RAB31: variants seen among roughly 807,000 people sequenced by gnomAD.
RAB31 encodes RAB31, member RAS oncogene family, also known as ras-related protein Rab-31.
A neutral mutation model predicts 25.6 loss-of-function variants in RAB31; 21 were observed. The ratio of observed to expected loss-of-function variants is 0.82; its 90% CI spans 0.58 to 1.18. The LOEUF is 1.18. Among genes scored for constraint, RAB31 ranks in the 50% most tolerant of loss-of-function variants. The pLI, the probability that RAB31 is intolerant of heterozygous loss-of-function variation, is 0.00. For synonymous variants in RAB31, 87 were observed against 84.0 expected, an observed-to-expected ratio of 1.04 and a Z score of -0.20; for missense variants, 196 against 250.1, an observed-to-expected ratio of 0.78 and a Z score of 1.46.
rs191093199 is a variant in RAB31 at position 9,732,222 on chromosome 18, G to C, written c.39+23778G>C. ...GGTACCAGACCATCTTCGTCCAGGG[G>C]GACGTGGAGTCACACGCATGCAGGC... On this transcript the variant is annotated intron_variant, in intron 1 of 6. Transcript: ENST00000578921. Among the ~76,000 whole-genome samples, 159 of 152,278 alleles carry C rather than the reference G, an allele frequency of 1.0e-3. 1 individual carries two copies. The highest frequency in any genetic ancestry group is 3.8e-3 in the African/African-American group (156 of 41,548).
chr18:9,829,489 G>T (rs2068666694), intron 5 of RAB31, among the ~76,000 whole-genome samples: 1 of 152,198 alleles, frequency 6.6e-6, no homozygotes, highest in Non-Finnish European at 1.5e-5. Context: ...TTTCTGGCGT[G>T]GTGTTACTAT....
intron 1 of RAB31, among the ~76,000 whole-genome samples, chr18:9,739,544 T>TAA (rs35363534): frequency 6.7e-6 from 1 of 148,348 alleles, no homozygotes. Flanking sequence ...TGTAATGTGC[T>TAA]AAAAAAAAAA....
At chr18:9,792,270 C>G (rs770659910) in intron 3 of RAB31, 35 bp downstream of exon 3, 1 of 1,584,884 alleles carries the variant, frequency 6.3e-7, no homozygotes, top group Non-Finnish European at 8.6e-7. Context: ...AAAACAAGAT[C>G]CAGTGAAAAT....
chr18:9,830,006 A>ATATTAT lies in RAB31; in HGVS notation c.380+14801_380+14806dup, dbSNP rs201291302. 1.9e-3 allele frequency among the ~76,000 whole-genome samples: 283 copies of ATATTAT among 150,624 alleles called. 2 individuals are homozygous for ATATTAT. The highest frequency in any genetic ancestry group is 6.5e-3 in the African/African-American group (267 of 41,152). Reference sequence around the variant, plus strand: ...TTATGTTGTCTTTTGCTTTTAAAAAATATTATTATTATTATTATTATTTTA... The same window carrying ATATTAT: ...TTATGTTGTCTTTTGCTTTTAAAAAATATTATTATTATTATTATTATTATTATTTTA... On this transcript the variant is annotated intron_variant, in intron 5 of 6. Coordinates refer to ENST00000578921, the MANE Select transcript of RAB31 (RefSeq NM_006868.4).
intron 2 of RAB31, chr18:9,786,640 C>T (rs1381536134): frequency 6.6e-6 from 1 of 152,214 alleles, no homozygotes; most frequent in African/African-American, 2.4e-5. Context: ...GAGAACCCCC[C>T]ACAGATTTGG....
chr18:9,723,948 A>G (rs1375398631), intron 1 of RAB31, among the ~76,000 whole-genome samples: 1 of 152,212 alleles, frequency 6.6e-6, no homozygotes, highest in Non-Finnish European at 1.5e-5. Flanking sequence ...GGACAAACAG[A>G]CTACATCTAA....
intron 3 of RAB31, among the ~76,000 whole-genome samples, chr18:9,794,084 G>A (rs1175656757): frequency 1.3e-5 from 2 of 152,038 alleles, no homozygotes; most frequent in African/African-American, 2.4e-5. Flanking sequence ...TTGTAGAGAC[G>A]AGGTCTTGCT....
chr18:9,730,409 C>T (rs1262259139), intron 1 of RAB31, among the ~76,000 whole-genome samples: 1 of 151,988 alleles, frequency 6.6e-6, no homozygotes, highest in Non-Finnish European at 1.5e-5. Context: ...GTCTCAGCCT[C>T]CCAAATAGCT....
intron 1 of RAB31, among the ~76,000 whole-genome samples, chr18:9,741,376 C>CA (rs71169903): frequency 0.14 from 4,368 of 31,160 alleles, 777 homozygotes; most frequent in Non-Finnish European, 0.17. Flanking sequence ...AACTCCGTCT[C>CA]AAAAAAAAAA....
intron 5 of RAB31, among the ~76,000 whole-genome samples, chr18:9,819,940 A>G (rs933581674): frequency 6.6e-6 from 1 of 151,904 alleles, no homozygotes; most frequent in Non-Finnish European, 1.5e-5. Flanking sequence ...TCATTTATTA[A>G]TTTTAGTTGT....
intron 3 of RAB31, among the ~76,000 whole-genome samples, chr18:9,793,410 C>G (rs1017679294): frequency 2.6e-5 from 4 of 152,134 alleles, no homozygotes; most frequent in African/African-American, 9.7e-5. Flanking sequence ...CGCCTGTAAT[C>G]CCAACACTTT....
intron 1 of RAB31, among the ~76,000 whole-genome samples, chr18:9,744,545 C>A (rs903639828): frequency 6.6e-6 from 1 of 152,068 alleles, no homozygotes; most frequent in Non-Finnish European, 1.5e-5. Context: ...TTATTTTTAA[C>A]GTAATATTTT....
intron 1 of RAB31, among the ~76,000 whole-genome samples, chr18:9,729,318 G>C (rs943482702): frequency 9.2e-5 from 14 of 152,016 alleles, no homozygotes; most frequent in African/African-American, 3.4e-4. Flanking sequence ...ACGAGGGGAG[G>C]AGATCGAGAC....
chr18:9,811,990 A>G (rs535919641), intron 3 of RAB31, among the ~76,000 whole-genome samples: 20 of 152,364 alleles, frequency 1.3e-4, no homozygotes, highest in Non-Finnish European at 2.5e-4. Flanking sequence ...GGGAAGTCCA[A>G]GATCAAGGTG....
chr18:9,775,447 G>A (rs1288687456), intron 2 of RAB31, 90 bp downstream of exon 2: 57 of 1,567,602 alleles, frequency 3.6e-5, no homozygotes, highest in Admixed American at 1.1e-4. Context: ...TTCAGGCAGG[G>A]CCACAGTTTT....
intron 5 of RAB31, 54 bp from the exon 6 acceptor site, chr18:9,845,528 T>C: frequency 1.4e-6 from 2 of 1,442,164 alleles, no homozygotes; most frequent in Non-Finnish European, 1.8e-6. Context: ...TTTGGGTGAT[T>C]TGTATTTTAC....
intron 1 of RAB31, among the ~76,000 whole-genome samples, chr18:9,767,700 T>C (rs2068323249): frequency 6.6e-6 from 1 of 152,194 alleles, no homozygotes; most frequent in Non-Finnish European, 1.5e-5. Flanking sequence ...GGAGGTATCA[T>C]TCTTTTTTAA....
intron 2 of RAB31, among the ~76,000 whole-genome samples, chr18:9,783,918 G>A (rs1045567471): frequency 2.6e-5 from 4 of 152,200 alleles, no homozygotes; most frequent in Admixed American, 2.6e-4. Flanking sequence ...ATAATGGTGA[G>A]GAAAAGGCCA....
intron 5 of RAB31, among the ~76,000 whole-genome samples, chr18:9,819,620 T>G (rs778716074): frequency 3.3e-5 from 5 of 152,184 alleles, no homozygotes; most frequent in Non-Finnish European, 7.4e-5. Flanking sequence ...AACTTTGATT[T>G]TAACAGAAAT....
Sources: allele counts gnomAD v4.1 joint callset (sites outside exome capture counted in the v4.1 genomes callset), GRCh38; gene constraint gnomAD v4.1.1; transcripts MANE v1.5; gene names NCBI Gene and HGNC (gene_info 2026-07-23, HGNC 2026-07-21).